Variants in ADSS2 observed in about 807,000 individuals in gnomAD.
ADSS2 encodes adenylosuccinate synthase 2.
Under a neutral mutation model 60.0 loss-of-function variants are expected in ADSS2, and 30 were observed. The ratio of observed to expected loss-of-function variants is 0.50; its 90% CI spans 0.37 to 0.68. ADSS2 has a LOEUF of 0.68. ADSS2 is among the 30% of genes least tolerant of loss of function. The probability of loss-of-function intolerance (pLI) is 0.00; values close to 1 mark genes in which losing one functional copy is unlikely to be tolerated. For missense variants in ADSS2, 373 were observed against 554.8 expected (o/e 0.67, Z 3.29); for synonymous variants, 187 against 193.1 (o/e 0.97, Z 0.26).
rs1218477954 is a variant in ADSS2, at chr1:244,411,407, C to A, written c.1198G>T (p.Val400Phe). The A allele has an allele frequency of 6.2e-7, 1 of 1,611,628 alleles. No individual in the cohort carries two copies. The highest frequency in any genetic ancestry group is 1.1e-5 in the South Asian group (1 of 90,068). Residue 400 changes from valine (V) to phenylalanine (F), a missense_variant, in exon 12 of 13, where the codon GTT becomes TTT. Physicochemically the swap from Val to Phe is conservative, Grantham distance 50. Coordinates refer to ENST00000366535, the MANE Select transcript of ADSS2 (RefSeq NM_001126.5). ...ANQEVLNKVE[V>F]QYKTLPGWNT... ...CATCCTGGGAGAGTCTTATATTGAA[C>A]TTCAACTTTATTTAAGACTTCTTGG...
chr1:244,415,794 AC>A (rs3214970), intron 11 of ADSS2, among the ~76,000 whole-genome samples, 186 bp downstream of exon 11: 25,780 of 152,182 alleles, frequency 0.17, 2,462 homozygotes, highest in South Asian at 0.33. Context: ...GCTTGTTGTG[AC>A]CCAACACCTA....
At chr1:244,444,446 C>T (rs1221171300) in intron 1 of ADSS2, among the ~76,000 whole-genome samples, 6 of 128,878 alleles carry the variant, frequency 4.7e-5, no homozygotes, top group African/African-American at 1.5e-4. Context: ...ACCCGGGAGG[C>T]GGAGCTTGCA....
intron 4 of ADSS2, among the ~76,000 whole-genome samples, chr1:244,427,526 G>A (rs950235356): frequency 5.9e-5 from 9 of 152,190 alleles, no homozygotes; most frequent in African/African-American, 1.9e-4. Flanking sequence ...GGATGAAATT[G>A]TCACAATGAA....
intron 1 of ADSS2, among the ~76,000 whole-genome samples, chr1:244,449,843 T>C (rs1572152035): frequency 6.6e-6 from 1 of 152,238 alleles, no homozygotes; most frequent in Non-Finnish European, 1.5e-5. Flanking sequence ...ATCACTTCTC[T>C]AGCCTTTCCA....
At chr1:244,429,217 T>C (rs576285477) in intron 4 of ADSS2, among the ~76,000 whole-genome samples, 4 of 152,330 alleles carry the variant, frequency 2.6e-5, no homozygotes, top group East Asian at 1.9e-4. Context: ...AGAGGATCCA[T>C]AATCAAGATT....
At chr1:244,428,384 T>C (rs1664855298) in intron 4 of ADSS2, among the ~76,000 whole-genome samples, 1 of 152,136 alleles carries the variant, frequency 6.6e-6, no homozygotes, top group Admixed American at 6.5e-5. Flanking sequence ...TATTTTGAAC[T>C]GAATGGAAAT....
intron 1 of ADSS2, among the ~76,000 whole-genome samples, chr1:244,449,228 A>C (rs2148017871): frequency 6.6e-6 from 1 of 152,352 alleles, no homozygotes; most frequent in East Asian, 1.9e-4. Flanking sequence ...ATTAAATGCA[A>C]TGCCAGTTTT....
intron 1 of ADSS2, among the ~76,000 whole-genome samples, chr1:244,449,179 A>G (rs1030364202): frequency 2.6e-5 from 4 of 152,212 alleles, no homozygotes; most frequent in Non-Finnish European, 4.4e-5. Flanking sequence ...GTTTGCATCT[A>G]TTGTTTCCAA....
chr1:244,435,541 A>G (rs192515631), intron 3 of ADSS2, among the ~76,000 whole-genome samples: 507 of 150,518 alleles, frequency 3.4e-3, no homozygotes, highest in African/African-American at 0.012. Context: ...TTCCTCCTTC[A>G]TCCTCCTCCT....
chr1:244,439,170 T>C (rs940383778), intron 1 of ADSS2, among the ~76,000 whole-genome samples: 9 of 152,232 alleles, frequency 5.9e-5, no homozygotes, highest in African/African-American at 2.2e-4. Flanking sequence ...GTGCTTGGCT[T>C]ACTTCACGTA....
intron 5 of ADSS2, 71 bp from the exon 6 acceptor site, chr1:244,424,131 G>T: frequency 7.6e-7 from 1 of 1,318,746 alleles, no homozygotes; most frequent in Non-Finnish European, 1.1e-6. Context: ...GATCATTGCA[G>T]TGAATAAAGT....
chr1:244,416,082 A>G lies in ADSS2; in HGVS notation c.1071-4T>C. ...ATCCAACTTGGTAAGTGCCAACCTA[A>G]TTTTGGAAGAAAAGGCAATGTTAAA... On this transcript the variant is annotated splice_polypyrimidine_tract_variant and splice_region_variant and intron_variant, in intron 10 of 12. Coordinates refer to ENST00000366535, the MANE Select transcript of ADSS2 (RefSeq NM_001126.5). 2 of 1,606,498 alleles carry G rather than the reference A, an allele frequency of 1.2e-6. No homozygotes were observed. The highest frequency in any genetic ancestry group is 2.2e-5 in the South Asian group (2 of 90,464).
At chr1:244,440,732 ACT>A (rs1308943654) in intron 1 of ADSS2, among the ~76,000 whole-genome samples, 1 of 152,200 alleles carries the variant, frequency 6.6e-6, no homozygotes, top group African/African-American at 2.4e-5. Context: ...AAACATATAT[ACT>A]GTTTTATTTT....
rs538985907 is a variant in ADSS2, at chr1:244,440,128, AT to A, written c.184-2361del. 3.3e-3 allele frequency among the ~76,000 whole-genome samples: 507 copies of A among 152,186 alleles called. 4 individuals are homozygous for A. The highest frequency in any genetic ancestry group is 0.012 in the African/African-American group (483 of 41,494). On this transcript the variant is annotated intron_variant, in intron 1 of 12. Coordinates refer to ENST00000366535, the MANE Select transcript of ADSS2 (RefSeq NM_001126.5). Reference sequence around the variant, plus strand: ...GCCAGGTACTGTGATTGCTCACCTGATTTTCGGTTTTTATGAAGGTGCTTTT... The same window carrying A: ...GCCAGGTACTGTGATTGCTCACCTGATTTCGGTTTTTATGAAGGTGCTTTT...
At chr1:244,409,688 T>C (rs751532663) in intron 12 of ADSS2, 50 bp from the exon 13 acceptor site, 11 of 1,442,124 alleles carry the variant, frequency 7.6e-6, no homozygotes, top group Non-Finnish European at 6.8e-6. Context: ...TCTCTAATGT[T>C]CACTCGTTGG....
At chr1:244,412,391 G>A (rs1452210914) in intron 11 of ADSS2, among the ~76,000 whole-genome samples, 1 of 152,218 alleles carries the variant, frequency 6.6e-6, no homozygotes, top group Non-Finnish European at 1.5e-5. Flanking sequence ...CACCAGGAAT[G>A]GTTAGAGGAA....
At chr1:244,419,899 C>A (rs1204271478) in intron 8 of ADSS2, among the ~76,000 whole-genome samples, 1 of 152,102 alleles carries the variant, frequency 6.6e-6, no homozygotes, top group Non-Finnish European at 1.5e-5. Flanking sequence ...GAACCATAAA[C>A]CAACGAAAAC....
intron 12 of ADSS2, among the ~76,000 whole-genome samples, chr1:244,410,143 G>C (rs972251210): frequency 6.6e-6 from 1 of 152,160 alleles, no homozygotes; most frequent in African/African-American, 2.4e-5. Flanking sequence ...GTATTTTACA[G>C]ATTTTTGTTA....
chr1:244,433,792 G>A (rs190738132), intron 3 of ADSS2, among the ~76,000 whole-genome samples: 4 of 149,050 alleles, frequency 2.7e-5, no homozygotes, highest in Admixed American at 2.0e-4. Flanking sequence ...CCCGGGAGGC[G>A]GAGACTGCAG....
Sources: gnomAD v4.1 joint callset for allele counts (sites outside exome capture counted in the v4.1 genomes callset) on GRCh38, gnomAD v4.1.1 for gene constraint, MANE v1.5 for transcripts, NCBI Gene and HGNC (gene_info 2026-07-23, HGNC 2026-07-21) for gene names.